Variants in ARHGAP45 observed in about 807,000 individuals in gnomAD.
ARHGAP45 encodes the protein Rho GTPase activating protein 45.
In ARHGAP45, 56 loss-of-function variants were observed where a neutral mutation model predicts 116.1. The observed-to-expected ratio is 0.48, with a 90% CI of 0.39 to 0.60. The LOEUF (loss-of-function observed/expected upper bound fraction) is 0.60. Ranked by LOEUF, ARHGAP45 falls within the 20% of genes least tolerant of loss-of-function variation. ARHGAP45 has a pLI of 0.00. For missense variants in ARHGAP45, 1,622 were observed against 1,601.0 expected, an observed-to-expected ratio of 1.01 and a Z score of -0.22; for synonymous variants, 866 against 701.7, an observed-to-expected ratio of 1.23 and a Z score of -3.70.
intron 15 of ARHGAP45, 61 bp downstream of exon 15, chr19:1,080,608 T>C (rs2043404453): frequency 1.9e-6 from 3 of 1,603,570 alleles, no homozygotes; most frequent in East Asian, 2.2e-5. Context: ...AGCCTCAGGG[T>C]TTCATCACCC....
At chr19:1,079,640 T>A in intron 11 of ARHGAP45, 63 bp from the exon 12 acceptor site, 1 of 1,569,988 alleles carries the variant, frequency 6.4e-7, no homozygotes, top group East Asian at 2.3e-5. Context: ...CTCCCTGAGG[T>A]TTCTGTCTGA....
intron 21 of ARHGAP45, 89 bp downstream of exon 21, chr19:1,083,442 A>G (rs1451316910): frequency 2.5e-6 from 3 of 1,177,794 alleles, no homozygotes; most frequent in South Asian, 2.7e-5. Context: ...GATGAAGCCC[A>G]AGGAACCACA....
rs748473842 is a variant in ARHGAP45 at position 1,080,321 on chromosome 19, C to T, written c.1770C>T (p.Ala590=). ...NVSDVARPEA[A]GSPPEEGGCT... is the part of the protein sequence containing the mutation. ...GTGATGTGGCGCGGCCGGAGGCTGC[C>T]GGGAGCCCCCCAGAAGAAGGCGGGT... Residue 590 remains alanine (A), a synonymous_variant, in exon 14 of 23, where the codon GCC becomes GCT. Transcript: ENST00000313093. 5 of 1,611,006 alleles carry T rather than the reference C, an allele frequency of 3.1e-6. No individual in the cohort carries two copies. The highest frequency in any genetic ancestry group is 2.2e-5 in the East Asian group (1 of 44,872).
At position 1,081,093 on chromosome 19, in the gene ARHGAP45, G is replaced by C. The variant is rs1399832977; in HGVS notation, c.2190+29G>C. 3.2e-6 allele frequency: 5 copies of C among 1,568,184 alleles called. No individual in the cohort carries two copies. In the African/African-American group the frequency reaches 6.7e-5, roughly 21 times the overall value. ...AGTGGGACGCCCCGACGGACAGCTG[G>C]GAGCCTTCGGGAGCCTTTGGGGTGC... On this transcript the variant is annotated intron_variant, in intron 17 of 22. Transcript: ENST00000313093.
In ARHGAP45 at chr19:1,081,723, G is replaced by GGC. The variant is rs1260163572; in HGVS notation, c.2367_2368dup (p.Leu790ArgfsTer13). The GGC allele has an allele frequency of 6.4e-7, 1 of 1,571,174 alleles. No homozygotes were observed. Among genetic ancestry groups the GGC allele is most frequent in the African/African-American group, 1.4e-5 (1 of 74,024 alleles). On this transcript the variant is annotated frameshift_variant, in exon 18 of 23. Transcript: ENST00000313093. LOFTEE classifies it high-confidence loss of function. ...AGTGCGTCTGCGAGATCGAGCGGCG[G>GGC]GCGCTGCGCACCAAGGTGAGGCGGG...
intron 2 of ARHGAP45, among the ~76,000 whole-genome samples, chr19:1,072,209 G>T (rs1417597143): frequency 6.6e-6 from 1 of 151,784 alleles, no homozygotes; most frequent in African/African-American, 2.4e-5. Context: ...TTACAGAGGA[G>T]TGCCACCACG....
At position 1,071,073 on chromosome 19, in the gene ARHGAP45, G is replaced by A; in HGVS notation, c.422-2076G>A. On this transcript the variant is annotated intron_variant, in intron 2 of 22. Coordinates refer to ENST00000313093, the MANE Select transcript of ARHGAP45 (RefSeq NM_012292.5). This position sits in a 1 kb window ranked among gnomAD's most constrained non-coding sequence, Gnocchi z 4.6. Reference sequence around the variant, plus strand: ...TCCTCGTTCCCGGGCTTCAGGTCTGGGCCTCAGTTTCCCTGCCCGTCCTCG... The same window carrying A: ...TCCTCGTTCCCGGGCTTCAGGTCTGAGCCTCAGTTTCCCTGCCCGTCCTCG... 1 of 787,208 alleles carries A rather than the reference G, an allele frequency of 1.3e-6. No homozygotes were observed. Among genetic ancestry groups the A allele is most frequent in the Non-Finnish European group, 1.8e-6 (1 of 564,886 alleles). The allele number at this position is 787,208 out of a possible 1,614,324, so 48.8% of individuals were successfully genotyped here.
In ARHGAP45 at chr19:1,071,227, C is replaced by A; in HGVS notation, c.422-1922C>A. 2.1e-6 allele frequency: 3 copies of A among 1,455,684 alleles called. No homozygotes were observed. Among genetic ancestry groups the A allele is most frequent in the Non-Finnish European group, 2.7e-6 (3 of 1,106,630 alleles). The allele number at this position is 1,455,684 out of a possible 1,614,324, so 90.2% of individuals were successfully genotyped here. A position where few individuals can be genotyped will look rare whatever the true frequency, so the allele number is the denominator to read the frequency against. On this transcript the variant is annotated intron_variant, in intron 2 of 22. Transcript: ENST00000313093. This position sits in a 1 kb window ranked among gnomAD's most constrained non-coding sequence, Gnocchi z 4.6. The stretch of plus-strand genomic sequence containing the variant: ...CCGGAGCCGGTTTGGCCACCGGAGA[C>A]CCCCATCGGTCAGCTGCCAGGCCCC...
intron 22 of ARHGAP45, among the ~76,000 whole-genome samples, chr19:1,084,659 C>G (rs573465546): frequency 6.6e-6 from 1 of 152,168 alleles, no homozygotes; most frequent in Admixed American, 6.5e-5. Context: ...TGCAGGAGCC[C>G]GTTTTTCTAG....
chr19:1,085,548 C>CCCATCTCTCCTGTCTCT (rs1568489759), intron 22 of ARHGAP45, 112 bp from the exon 23 acceptor site: 1 of 756,670 alleles, frequency 1.3e-6, no homozygotes, highest in African/African-American at 1.8e-5. Flanking sequence ...CCTGTCTCTC[C>CCCATCTCTCCTGTCTCT]ATCTCTCTCC....
At chr19:1,078,146 T>C in intron 11 of ARHGAP45, 101 bp downstream of exon 11, 1 of 1,454,578 alleles carries the variant, frequency 6.9e-7, no homozygotes, top group Non-Finnish European at 9.1e-7. Flanking sequence ...GTTTTTTTGT[T>C]TTTTTGTTTG....
Position 1,071,161 on chromosome 19 carries a change from A to G in ARHGAP45, c.422-1988A>G, listed in dbSNP as rs2043132771. On this transcript the variant is annotated intron_variant, in intron 2 of 22. Coordinates refer to ENST00000313093, the MANE Select transcript of ARHGAP45 (RefSeq NM_012292.5). This position sits in a 1 kb window ranked among gnomAD's most constrained non-coding sequence, Gnocchi z 4.6. ...CCCAGGCTGGGGCGAACGGGACCCC[A>G]GGGCGGGGTTTCCCTCGCGGGGGCG... 1 of 1,314,826 alleles carries G rather than the reference A, an allele frequency of 7.6e-7. No homozygotes were observed. Among genetic ancestry groups the G allele is most frequent in the Non-Finnish European group, 9.7e-7 (1 of 1,031,290 alleles). The allele number at this position is 1,314,826 out of a possible 1,614,324, so 81.4% of individuals were successfully genotyped here.
chr19:1,081,402 T>A lies in ARHGAP45; in HGVS notation c.2191-148T>A, dbSNP rs937027468. 9 of 846,928 alleles carry A rather than the reference T, an allele frequency of 1.1e-5. No homozygotes were observed. The Admixed American group carries it at 1.6e-4, about 15-fold the overall frequency. The allele number at this position is 846,928 out of a possible 1,614,324, so 52.5% of individuals were successfully genotyped here. ...AGGGCAGGCGGGATCACCCCTGGGG[T>A]GGAAGCCACGAGCCACTGTCCAGCT... On this transcript the variant is annotated intron_variant, in intron 17 of 22. Transcript: ENST00000313093.
At position 1,081,844 on chromosome 19, in the gene ARHGAP45, G is replaced by C. The variant is rs1249884223; in HGVS notation, c.2400G>C (p.Gly800=). ...LRTKGIYRVN[G]VKTRVEKLCQ... is the part of the protein sequence containing the mutation. Reference sequence around the variant, plus strand: ...CGCAGGGCATCTACCGGGTCAATGGGGTAAAGACACGCGTGGAGAAGCTGT... The same window carrying C: ...CGCAGGGCATCTACCGGGTCAATGGCGTAAAGACACGCGTGGAGAAGCTGT... The change falls in exon 19 of 23, where the codon GGG becomes GGC. Residue 800 remains glycine (G), a synonymous_variant. Coordinates refer to ENST00000313093, the MANE Select transcript of ARHGAP45 (RefSeq NM_012292.5). 2 of 1,611,462 alleles carry C rather than the reference G, an allele frequency of 1.2e-6. No individual in the cohort carries two copies. Among genetic ancestry groups the C allele is most frequent in the East Asian group, 2.2e-5 (1 of 44,822 alleles).
At position 1,084,137 on chromosome 19, in the gene ARHGAP45, G is replaced by T. The variant is rs182822254; in HGVS notation, c.2956-101G>T. On this transcript the variant is annotated intron_variant, in intron 21 of 22. Coordinates refer to ENST00000313093, the MANE Select transcript of ARHGAP45 (RefSeq NM_012292.5). ...GAGGACAGACCGCCTGGGCAACAGC[G>T]GGTGTCAGTAGCTGTTACGGGCTGT... 7 of 1,072,806 alleles carry T rather than the reference G, an allele frequency of 6.5e-6. No homozygotes were observed. The Admixed American group carries it at 1.2e-4, about 18-fold the overall frequency. 66.5% of individuals were successfully genotyped at this position (1,072,806 alleles called of 1,614,324 possible).
At chr19:1,082,195 G>A (rs571018028) in intron 19 of ARHGAP45, among the ~76,000 whole-genome samples, 1 of 148,922 alleles carries the variant, frequency 6.7e-6, no homozygotes, top group Admixed American at 6.6e-5. Flanking sequence ...GGCACGGACA[G>A]GGACAGGAGG....
At chr19:1,083,424 C>A in intron 21 of ARHGAP45, 71 bp downstream of exon 21, 1 of 1,345,800 alleles carries the variant, frequency 7.4e-7, no homozygotes, top group Non-Finnish European at 1.0e-6. Flanking sequence ...TGGGGACAGT[C>A]GTTGTCGGAT....
At position 1,067,493 on chromosome 19, in the gene ARHGAP45, G is replaced by T; in HGVS notation, c.88G>T (p.Gly30Trp). 4 of 1,597,880 alleles carry T rather than the reference G, an allele frequency of 2.5e-6. No homozygotes were observed. The highest frequency in any genetic ancestry group is 2.6e-6 in the Non-Finnish European group (3 of 1,173,204). Residue 30 changes from glycine to tryptophan, a missense_variant and splice_region_variant, in exon 1 of 23, where the codon GGG becomes TGG. Transcript: ENST00000313093. ...RAGSPSPQPSGELPRKDGADA... is the reference protein window; with the variant it reads ...RAGSPSPQPSWELPRKDGADA... ...GGGAAGCCCCAGCCCGCAGCCCTCGGGGGTGAGTGGAGCCCGGGTGAGACC... is the reference window on the plus strand; with the variant it reads ...GGGAAGCCCCAGCCCGCAGCCCTCGTGGGTGAGTGGAGCCCGGGTGAGACC...
intron 10 of ARHGAP45, 117 bp downstream of exon 10, chr19:1,074,996 C>G (rs1010304756): frequency 3.6e-6 from 3 of 825,240 alleles, no homozygotes; most frequent in South Asian, 1.1e-4. Context: ...GCCCCGGCCT[C>G]CTGCGCATGC....
Sources: gnomAD v4.1 joint callset for allele counts (sites outside exome capture counted in the v4.1 genomes callset) on GRCh38, gnomAD v4.1.1 for gene constraint, Gnocchi (gnomAD v3.1) non-coding constraint, MANE v1.5 for transcripts, NCBI Gene and HGNC (gene_info 2026-07-23, HGNC 2026-07-21) for gene names.